KCNIP4: variants seen among roughly 807,000 people sequenced by gnomAD.
The protein encoded by KCNIP4 is potassium voltage-gated channel interacting protein 4, also known as Kv channel-interacting protein 4.
Under a neutral mutation model 34.0 loss-of-function variants are expected in KCNIP4, and 12 were observed. The observed-to-expected ratio is 0.35, with a 90% CI of 0.23 to 0.57. KCNIP4 has a LOEUF of 0.57. Among genes scored for constraint, KCNIP4 ranks in the 20% least tolerant of loss-of-function variants. The pLI, the probability that KCNIP4 is intolerant of heterozygous loss-of-function variation, is 0.83. For missense variants in KCNIP4, 238 were observed against 311.7 expected, an observed-to-expected ratio of 0.76 and a Z score of 1.78; for synonymous variants, 124 against 102.2, an observed-to-expected ratio of 1.21 and a Z score of -1.29.
intron 3 of KCNIP4, among the ~76,000 whole-genome samples, chr4:20,772,034 TA>T (rs1275762255): frequency 6.6e-6 from 1 of 152,168 alleles, no homozygotes; most frequent in Non-Finnish European, 1.5e-5. Flanking sequence ...GTGTAGGAGA[TA>T]CATGTTCTCA....
chr4:20,883,493 A>T (rs1364698052), intron 1 of KCNIP4, among the ~76,000 whole-genome samples: 1 of 152,166 alleles, frequency 6.6e-6, no homozygotes, highest in African/African-American at 2.4e-5. Context: ...ACAACTTTTG[A>T]TGTCAGGAGC....
intron 1 of KCNIP4, among the ~76,000 whole-genome samples, chr4:21,228,428 C>G (rs1758560036): frequency 6.6e-6 from 1 of 152,146 alleles, no homozygotes; most frequent in Admixed American, 6.6e-5. Flanking sequence ...TCAATGAAAC[C>G]TCTCTTCTTC....
intron 1 of KCNIP4, among the ~76,000 whole-genome samples, chr4:21,414,613 T>C (rs1724787532): frequency 6.6e-6 from 1 of 152,160 alleles, no homozygotes; most frequent in East Asian, 1.9e-4. Context: ...AATAGGATCT[T>C]AAAGACATAT....
At chr4:21,064,164 A>C (rs184783910) in intron 1 of KCNIP4, among the ~76,000 whole-genome samples, 4 of 152,174 alleles carry the variant, frequency 2.6e-5, no homozygotes, top group Admixed American at 2.0e-4. Flanking sequence ...ATTTACTTTC[A>C]TATTACTGCT....
At chr4:21,236,987 C>A (rs1471085923) in intron 1 of KCNIP4, among the ~76,000 whole-genome samples, 8 of 148,566 alleles carry the variant, frequency 5.4e-5, no homozygotes, top group African/African-American at 2.0e-4. Flanking sequence ...GCCTGGGTGA[C>A]AGAGGGAGAC....
chr4:20,897,083 C>T (rs1726626404), intron 1 of KCNIP4, among the ~76,000 whole-genome samples: 1 of 152,112 alleles, frequency 6.6e-6, no homozygotes, highest in Non-Finnish European at 1.5e-5. Flanking sequence ...TGAGGCTGAG[C>T]ATTCACAAAG....
At chr4:20,790,080 G>C (rs1235360267) in intron 3 of KCNIP4, among the ~76,000 whole-genome samples, 3 of 152,156 alleles carry the variant, frequency 2.0e-5, no homozygotes, top group Non-Finnish European at 4.4e-5. Flanking sequence ...TACACATCTA[G>C]GCTATATGGT....
chr4:21,416,386 C>T (rs1031866105), intron 1 of KCNIP4, among the ~76,000 whole-genome samples: 10 of 152,114 alleles, frequency 6.6e-5, no homozygotes, highest in Admixed American at 5.9e-4. Flanking sequence ...AATAGAACCA[C>T]CTTTTTATTT....
chr4:21,878,223 A>ACACCAC (rs1257407784), intron 1 of KCNIP4, among the ~76,000 whole-genome samples: 2 of 152,056 alleles, frequency 1.3e-5, no homozygotes, highest in African/African-American at 4.8e-5. Context: ...TTACAGGCAC[A>ACACCAC]CACCACCACG....
intron 1 of KCNIP4, among the ~76,000 whole-genome samples, chr4:21,157,713 T>G (rs550045438): frequency 6.6e-6 from 1 of 152,146 alleles, no homozygotes; most frequent in Non-Finnish European, 1.5e-5. Context: ...AATATCTATG[T>G]TCGATAGCAA....
At chr4:21,836,914 ATTTTTT>A (rs201730191) in intron 1 of KCNIP4, among the ~76,000 whole-genome samples, 48,902 of 123,572 alleles carry the variant, frequency 0.4, 9,818 homozygotes, top group East Asian at 0.66. Context: ...GCTGGGATAA[ATTTTTT>A]TTTTTTTTTT....
At chr4:21,619,415 A>G (rs927196830) in intron 1 of KCNIP4, among the ~76,000 whole-genome samples, 1 of 152,240 alleles carries the variant, frequency 6.6e-6, no homozygotes, top group African/African-American at 2.4e-5. Context: ...AGAAAGATGA[A>G]TATTTATTAT....
Position 20,729,975 on chromosome 4 carries a change from T to C in KCNIP4, c.*107A>G. The C allele has an allele frequency of 7.8e-7, 1 of 1,282,766 alleles. No individual in the cohort carries two copies. Among genetic ancestry groups the C allele is most frequent in the Non-Finnish European group, 1.0e-6 (1 of 953,286 alleles). 79.5% of individuals were successfully genotyped at this position (1,282,766 alleles called of 1,614,324 possible). ...TAAAACAAAGCTTGTTTGCATAATA[T>C]GCTTCAGTGTCAAGCTGAGCAATCT... On this transcript the variant is annotated 3_prime_UTR_variant, in exon 9 of 9. Coordinates refer to ENST00000382152, the MANE Select transcript of KCNIP4 (RefSeq NM_025221.6).
chr4:21,452,444 T>A (rs1365062227), intron 1 of KCNIP4, among the ~76,000 whole-genome samples: 1 of 152,054 alleles, frequency 6.6e-6, no homozygotes, highest in Admixed American at 6.6e-5. Context: ...GGCTCTGTCA[T>A]CACACTGCTT....
chr4:21,810,810 C>T (rs566260376), intron 1 of KCNIP4, among the ~76,000 whole-genome samples: 93 of 151,946 alleles, frequency 6.1e-4, no homozygotes, highest in Non-Finnish European at 8.5e-4. Context: ...TAGTGTATTC[C>T]CCAAAGAGAG....
chr4:21,238,079 G>A (rs1038423529), intron 1 of KCNIP4, among the ~76,000 whole-genome samples: 8 of 151,996 alleles, frequency 5.3e-5, no homozygotes, highest in East Asian at 1.9e-4. Context: ...TTCAACATAC[G>A]CAAATCAATA....
chr4:21,908,398 C>T (rs1006684204), intron 1 of KCNIP4, among the ~76,000 whole-genome samples: 1 of 152,126 alleles, frequency 6.6e-6, no homozygotes, highest in African/African-American at 2.4e-5. Flanking sequence ...CTTCCCCAAG[C>T]TCCCCGTCAA....
chr4:21,261,748 A>G (rs565465067), intron 1 of KCNIP4, among the ~76,000 whole-genome samples: 1 of 152,258 alleles, frequency 6.6e-6, no homozygotes, highest in Admixed American at 6.5e-5. Flanking sequence ...AGCTAGTGCC[A>G]TCAACCTCTT....
chr4:21,366,965 T>C (rs1416687253), intron 1 of KCNIP4, among the ~76,000 whole-genome samples: 1 of 152,172 alleles, frequency 6.6e-6, no homozygotes, highest in Non-Finnish European at 1.5e-5. Flanking sequence ...GGTGATTAAC[T>C]CATGAGGACA....
Sources: allele counts gnomAD v4.1 joint callset (sites outside exome capture counted in the v4.1 genomes callset), GRCh38; gene constraint gnomAD v4.1.1; transcripts MANE v1.5; gene names NCBI Gene and HGNC (gene_info 2026-07-23, HGNC 2026-07-21).